Variants in ZC3H12B observed in about 807,000 individuals in gnomAD.
ZC3H12B encodes probable ribonuclease ZC3H12B.
ZC3H12B carries 7 observed loss-of-function variants against 43.9 expected under a neutral mutation model. The ratio of observed to expected loss-of-function variants is 0.16; its 90% confidence interval spans 0.09 to 0.30. The LOEUF is 0.30. Ranked by LOEUF, ZC3H12B falls within the 10% of genes least tolerant of loss-of-function variation. ZC3H12B has a pLI of 1.00. For missense variants in ZC3H12B, 475 were observed against 670.2 expected (o/e 0.71, Z 3.22); for synonymous variants, 222 against 241.7 (o/e 0.92, Z 0.76).
chrX:65,473,000 A>ATATATATATG (rs1556258870), intron 3 of ZC3H12B, among the ~76,000 whole-genome samples: 7 of 78,611 alleles, frequency 8.9e-5, no homozygotes, highest in African/African-American at 3.0e-4. Context: ...ATATATATGT[A>ATATATATATG]TATATATATA....
chrX:65,261,707 A>C, the ZC3H12B span, among the ~76,000 whole-genome samples: 1 of 111,606 alleles, frequency 9.0e-6, no homozygotes, highest in Admixed American at 9.6e-5. Context: ...CAAAAGATTT[A>C]AGAAAGGTAT....
chrX:65,429,484 G>A (rs910189801), intron 3 of ZC3H12B, among the ~76,000 whole-genome samples: 1 of 112,715 alleles, frequency 8.9e-6, no homozygotes, highest in African/African-American at 3.2e-5. Context: ...GTTCCAACCG[G>A]TAAGGAGGAA....
chrX:65,498,871 C>T, intron 2 of ZC3H12B, 128 bp from the exon 8 acceptor site: 1 of 499,347 alleles, frequency 2.0e-6, no homozygotes, highest in South Asian at 3.6e-5. Context: ...AGGAACAGGG[C>T]CTACTTTCCC....
intron 3 of ZC3H12B, among the ~76,000 whole-genome samples, chrX:65,461,253 G>A (rs1332035480): frequency 8.9e-6 from 1 of 111,987 alleles, no homozygotes; most frequent in East Asian, 2.8e-4. Flanking sequence ...TTTACACGTT[G>A]GTGGGACTAA....
At chrX:65,355,297 G>A in the ZC3H12B span, among the ~76,000 whole-genome samples, 2 of 111,350 alleles carry the variant, frequency 1.8e-5, no homozygotes, top group South Asian at 7.6e-4. Context: ...AAGAGAGTGG[G>A]GGTCAATATT....
intron 1 of ZC3H12B, among the ~76,000 whole-genome samples, chrX:65,367,745 T>G (rs1312551298): frequency 9.0e-6 from 1 of 111,633 alleles, no homozygotes; most frequent in East Asian, 2.8e-4. Context: ...ATTTATTTTC[T>G]TGACACACCC....
intron 2 of ZC3H12B, among the ~76,000 whole-genome samples, chrX:65,398,353 TACCTG>T (rs1360416220): frequency 2.7e-5 from 3 of 112,112 alleles, no homozygotes; most frequent in Admixed American, 1.9e-4. Flanking sequence ...GTAATCACAT[TACCTG>T]ATTCCATATT....
intron 3 of ZC3H12B, among the ~76,000 whole-genome samples, chrX:65,400,633 G>A (rs753542276): frequency 9.8e-5 from 11 of 111,809 alleles, no homozygotes; most frequent in Non-Finnish European, 1.9e-4. Context: ...AGGCGGGAAA[G>A]CAGTCTGCTT....
chrX:65,300,452 T>A, the ZC3H12B span, among the ~76,000 whole-genome samples: 4 of 111,209 alleles, frequency 3.6e-5, no homozygotes, highest in Non-Finnish European at 7.6e-5. Flanking sequence ...CTTCTGGGAA[T>A]GCAATTTCAT....
the ZC3H12B span, among the ~76,000 whole-genome samples, chrX:65,167,519 T>C: frequency 9.0e-6 from 1 of 111,651 alleles, no homozygotes; most frequent in South Asian, 3.7e-4. Flanking sequence ...TTGTCTTGGG[T>C]ATGTGGGCTC....
intron 3 of ZC3H12B, among the ~76,000 whole-genome samples, chrX:65,437,804 A>T (rs1040786431): frequency 8.9e-6 from 1 of 112,114 alleles, no homozygotes; most frequent in African/African-American, 3.2e-5. Flanking sequence ...ATGGGGTATT[A>T]CTCAAGAAAT....
At chrX:65,281,410 A>T in the ZC3H12B span, among the ~76,000 whole-genome samples, 1 of 110,338 alleles carries the variant, frequency 9.1e-6, no homozygotes, top group African/African-American at 3.3e-5. Flanking sequence ...ATTTTTAGAC[A>T]GGGTTACGTC....
At chrX:65,149,580 G>A in the ZC3H12B span, among the ~76,000 whole-genome samples, 3 of 108,949 alleles carry the variant, frequency 2.8e-5, no homozygotes, top group Non-Finnish European at 5.7e-5. Context: ...GGCTAACACA[G>A]TGAAACCTCG....
chrX:65,472,676 C>T (rs1403793404), intron 3 of ZC3H12B, among the ~76,000 whole-genome samples: 1 of 106,597 alleles, frequency 9.4e-6, no homozygotes, highest in Non-Finnish European at 1.9e-5. Context: ...ATTGAAGAGA[C>T]TGTTTTTCCC....
chrX:65,452,228 G>A (rs1272573241), intron 3 of ZC3H12B, among the ~76,000 whole-genome samples: 1 of 111,493 alleles, frequency 9.0e-6, no homozygotes, highest in African/African-American at 3.3e-5. Context: ...AATCAGTAAA[G>A]AGGAAGTCAA....
chrX:65,476,866 G>A (rs1478607705), intron 3 of ZC3H12B, among the ~76,000 whole-genome samples: 1 of 106,686 alleles, frequency 9.4e-6, no homozygotes, highest in Non-Finnish European at 1.9e-5. Flanking sequence ...CTGTCACACA[G>A]GCTGGAGTTC....
intron 3 of ZC3H12B, among the ~76,000 whole-genome samples, chrX:65,408,978 ATGT>A (rs967150403): frequency 8.9e-6 from 1 of 112,246 alleles, no homozygotes; most frequent in Middle Eastern, 4.2e-3. Context: ...AAAGAAAGTA[ATGT>A]TGTTAAATGG....
the ZC3H12B span, among the ~76,000 whole-genome samples, chrX:65,225,623 T>A: frequency 9.0e-5 from 10 of 111,669 alleles, no homozygotes; most frequent in African/African-American, 2.9e-4. Flanking sequence ...GTTAAAAACT[T>A]TGAAAAAAAT....
chrX:65,387,092 C>T (rs752874820), intron 2 of ZC3H12B, among the ~76,000 whole-genome samples: 12 of 111,525 alleles, frequency 1.1e-4, no homozygotes, highest in Non-Finnish European at 1.9e-4. Context: ...GGAATAAGTG[C>T]AGTGTGGTGC....
Sources: gnomAD v4.1 joint callset for allele counts (sites outside exome capture counted in the v4.1 genomes callset) on GRCh38, gnomAD v4.1.1 for gene constraint, MANE v1.5 for transcripts, NCBI Gene and HGNC (gene_info 2026-07-23, HGNC 2026-07-21) for gene names.